Variants in ZNF536 observed in about 807,000 individuals in gnomAD.
The protein encoded by ZNF536 is zinc finger protein 536.
Under a neutral mutation model 84.5 loss-of-function variants are expected in ZNF536, and 13 were observed. The ratio of observed to expected loss-of-function variants is 0.15; its 90% CI spans 0.10 to 0.24. The LOEUF (loss-of-function observed/expected upper bound fraction) is 0.24. Ranked by LOEUF, ZNF536 falls within the 10% of genes least tolerant of loss-of-function variation. The pLI is 1.00. For missense variants in ZNF536, 1,536 were observed against 1,747.5 expected, an observed-to-expected ratio of 0.88 and a Z score of 2.16; for synonymous variants, 811 against 742.5, an observed-to-expected ratio of 1.09 and a Z score of -1.50.
intron 1 of ZNF536, among the ~76,000 whole-genome samples, chr19:30,374,413 T>A (rs1290675001): frequency 2.0e-5 from 3 of 152,178 alleles, no homozygotes; most frequent in Admixed American, 1.3e-4. Context: ...TTACTGCCAT[T>A]GCACTAATTG....
intron 1 of ZNF536, among the ~76,000 whole-genome samples, chr19:30,251,110 C>G (rs2024583399): frequency 6.6e-6 from 1 of 152,082 alleles, no homozygotes; most frequent in Admixed American, 6.5e-5. Flanking sequence ...TCAAGACTCC[C>G]TATCATCGGT....
At chr19:30,689,276 A>T (rs1207829494) in intron 1 of ZNF536, among the ~76,000 whole-genome samples, 1 of 152,244 alleles carries the variant, frequency 6.6e-6, no homozygotes, top group African/African-American at 2.4e-5. Context: ...CGCTAACCTA[A>T]CACTGGATAT....
intron 2 of ZNF536, among the ~76,000 whole-genome samples, chr19:30,453,253 C>A (rs1036226877): frequency 6.6e-6 from 1 of 152,144 alleles, no homozygotes; most frequent in Non-Finnish European, 1.5e-5. Flanking sequence ...AACCTGCTCA[C>A]TGAGGCACCT....
intron 1 of ZNF536, among the ~76,000 whole-genome samples, chr19:30,693,328 G>A (rs973462147): frequency 2.0e-5 from 3 of 152,080 alleles, no homozygotes; most frequent in African/African-American, 7.2e-5. Context: ...ATGCTGTGAG[G>A]TTTTTTTCCC....
chr19:30,343,460 C>A (rs2047629292), intron 2 of ZNF536, among the ~76,000 whole-genome samples: 1 of 152,154 alleles, frequency 6.6e-6, no homozygotes, highest in South Asian at 2.1e-4. Context: ...TGCTCCATCT[C>A]CAGTTGAGGG....
chr19:30,647,536 G>A (rs2049522045), intron 1 of ZNF536, among the ~76,000 whole-genome samples: 1 of 152,070 alleles, frequency 6.6e-6, no homozygotes, highest in Admixed American at 6.5e-5. Context: ...CCTCTCCCTG[G>A]GAAATGCTTG....
At chr19:30,615,891 T>C (rs1454234945) in intron 1 of ZNF536, among the ~76,000 whole-genome samples, 2 of 152,102 alleles carry the variant, frequency 1.3e-5, no homozygotes, top group African/African-American at 2.4e-5. Context: ...TCTCTGTCCC[T>C]CTCTCTCTGC....
upstream of ZNF536, among the ~76,000 whole-genome samples, chr19:30,367,447 T>G (rs998214973): frequency 6.6e-6 from 1 of 152,244 alleles, no homozygotes; most frequent in African/African-American, 2.4e-5. Context: ...GTGGATGGAC[T>G]GGGTATCTGT....
In ZNF536 at chr19:30,664,202, TTTTCTCTCTC is replaced by T. The variant is rs1438655524; in HGVS notation, c.170-46553_170-46544del. On this transcript the variant is annotated intron_variant, in intron 1 of 1. Coordinates refer to the ZNF536 transcript ENST00000592773. ...GCTATCTAGAGGAATTCTTGCTGAGTTTTCTCTCTCTCTCTCTCTCTCTCTCTCTCTCTCT... is the reference window on the plus strand; with the variant it reads ...GCTATCTAGAGGAATTCTTGCTGAGTTCTCTCTCTCTCTCTCTCTCTCTCT... Among the ~76,000 whole-genome samples the T allele has an allele frequency of 1.3e-3, 152 of 118,500 alleles. 8 individuals are homozygous for T. The highest frequency in any genetic ancestry group is 4.1e-3 in the African/African-American group (141 of 34,374). The allele number at this position is 118,500 out of a possible 152,430, so 77.7% of individuals were successfully genotyped here.
intron 2 of ZNF536, among the ~76,000 whole-genome samples, chr19:30,285,135 C>T (rs1197722926): frequency 6.6e-6 from 1 of 152,176 alleles, no homozygotes; most frequent in Non-Finnish European, 1.5e-5. Context: ...AATAGTGTAC[C>T]ATTATATTAC....
intron 2 of ZNF536, among the ~76,000 whole-genome samples, chr19:30,310,205 C>T (rs1199630814): frequency 6.6e-6 from 1 of 152,152 alleles, no homozygotes; most frequent in Non-Finnish European, 1.5e-5. Context: ...GCCAGCCCCG[C>T]GTTATAAAAA....
At chr19:30,394,768 C>G (rs2049745353) in intron 1 of ZNF536, among the ~76,000 whole-genome samples, 1 of 152,188 alleles carries the variant, frequency 6.6e-6, no homozygotes, top group African/African-American at 2.4e-5. Flanking sequence ...CTTACACAAT[C>G]TAGTGTGCAA....
chr19:30,548,480 G>A lies in ZNF536; in HGVS notation c.2861G>A (p.Gly954Asp), dbSNP rs1449987262. 14 of 1,614,064 alleles carry A rather than the reference G, an allele frequency of 8.7e-6. No individual in the cohort carries two copies. The highest frequency in any genetic ancestry group is 1.1e-5 in the Non-Finnish European group (13 of 1,180,050). The change falls in exon 4 of 5, where the codon GGT becomes GAT. Residue 954 changes from glycine (G) to aspartate (D), a missense_variant. Around this residue, in one of 8 missense-constraint regions of ZNF536, gnomAD observed 624 missense variants for 603.1 expected, o/e 1.03. Coordinates refer to ENST00000355537, the MANE Select transcript of ZNF536 (RefSeq NM_014717.3). ...PPSMKVHGVD[G>D]GEEKPSGKSS... ...TCCATGAAAGTCCACGGAGTGGATG[G>A]TGGTGAGGAGAAACCCAGTGGCAAG... is the stretch of plus-strand genomic sequence containing the variant.
intron 3 of ZNF536, among the ~76,000 whole-genome samples, chr19:30,545,647 T>C (rs1041380345): frequency 2.0e-5 from 3 of 152,150 alleles, no homozygotes; most frequent in African/African-American, 4.8e-5. Context: ...TCCTCTTGCC[T>C]CGGCCTCCCA....
rs910632164 is a variant in ZNF536, at chr19:30,445,750, C to T, written c.2170+18C>T. 25 of 1,531,932 alleles carry T rather than the reference C, an allele frequency of 1.6e-5. No individual in the cohort carries two copies. Among genetic ancestry groups the T allele is most frequent in the Middle Eastern group, 1.8e-4 (1 of 5,472 alleles). 94.9% of individuals were successfully genotyped at this position (1,531,932 alleles called of 1,614,324 possible). A position where few individuals can be genotyped will look rare whatever the true frequency, so the allele number is the denominator to read the frequency against. On this transcript the variant is annotated intron_variant, in intron 2 of 4. Coordinates refer to ENST00000355537, the MANE Select transcript of ZNF536 (RefSeq NM_014717.3). This position sits in a 1 kb window ranked among gnomAD's most constrained non-coding sequence, Gnocchi z 4.5. ...CTCCTCAGGTAGGTTAGCTGAGAAGCGGGGAGAAGCAGCTTGTACAGCAGC... is the reference window on the plus strand; with the variant it reads ...CTCCTCAGGTAGGTTAGCTGAGAAGTGGGGAGAAGCAGCTTGTACAGCAGC...
intron 1 of ZNF536, among the ~76,000 whole-genome samples, chr19:30,428,083 C>G (rs575885913): frequency 2.0e-5 from 3 of 152,290 alleles, no homozygotes; most frequent in Admixed American, 2.0e-4. Context: ...TTGTTAACTG[C>G]AAGTGCTCTT....
intron 2 of ZNF536, among the ~76,000 whole-genome samples, chr19:30,461,297 G>A (rs1600835610): frequency 6.6e-6 from 1 of 152,128 alleles, no homozygotes; most frequent in Admixed American, 6.5e-5. Flanking sequence ...CTCCACCTTT[G>A]GGCCATGCTG....
chr19:30,494,306 C>T (rs1478101102), intron 2 of ZNF536, among the ~76,000 whole-genome samples: 1 of 152,184 alleles, frequency 6.6e-6, no homozygotes, highest in Non-Finnish European at 1.5e-5. Context: ...GACAAGTGGA[C>T]ACTTTGCACT....
rs1351991824 is a variant in ZNF536 at position 30,402,794 on chromosome 19, AAAATATATATAT to A, written c.-3+30240_-3+30251del. Among the ~76,000 whole-genome samples, 12 of 76,736 alleles carry A rather than the reference AAAATATATATAT, an allele frequency of 1.6e-4. 1 individual carries two copies. Among genetic ancestry groups the A allele is most frequent in the Non-Finnish European group, 2.7e-4 (9 of 32,988 alleles). The allele number at this position is 76,736 out of a possible 152,430, so 50.3% of individuals were successfully genotyped here. A position where few individuals can be genotyped will look rare whatever the true frequency, so the allele number is the denominator to read the frequency against. ...CTTTTTAAACATTTTTTAAAATTAAAAAATATATATATATATATATATATATATAATTTTCAA... is the reference window on the plus strand; with the variant it reads ...CTTTTTAAACATTTTTTAAAATTAAAATATATATATATATATAATTTTCAA... On this transcript the variant is annotated intron_variant, in intron 1 of 4. Coordinates refer to ENST00000355537, the MANE Select transcript of ZNF536 (RefSeq NM_014717.3).
Sources: allele counts gnomAD v4.1 joint callset (sites outside exome capture counted in the v4.1 genomes callset), GRCh38; gene constraint gnomAD v4.1.1; regional missense constraint gnomAD v4.1.1; non-coding constraint Gnocchi (gnomAD v3.1); transcripts MANE v1.5; gene names NCBI Gene and HGNC (gene_info 2026-07-23, HGNC 2026-07-21).